GYS1: variants seen among roughly 807,000 people sequenced by gnomAD.
GYS1 encodes the protein glycogen synthase 1.
GYS1 carries 60 observed loss-of-function variants against 89.1 expected under a neutral mutation model. That is an observed-to-expected ratio of 0.67 (90% CI 0.55 to 0.84). The LOEUF (loss-of-function observed/expected upper bound fraction) is 0.84, where lower values mean the gene tolerates loss of function less well. Ranked by LOEUF, GYS1 falls within the 40% of genes least tolerant of loss-of-function variation. The pLI is 0.00. For synonymous variants in GYS1, 366 were observed against 401.7 expected (o/e 0.91, Z 1.06); for missense variants, 888 against 1,003.1 (o/e 0.89, Z 1.55).
Position 48,982,772 on chromosome 19 carries a change from G to A in GYS1, c.889C>T (p.His297Tyr). ...TGGATTCGAGCCTTGCTCTGAGCAT[G>A]GAGGTTCTGGAACTCATGCATGGCA... ...FSAMHEFQNL[H>Y]AQSKARIQEF... Residue 297 changes from histidine (H) to tyrosine (Y), a missense_variant, in exon 6 of 16, where the codon CAT (histidine) becomes TAT (tyrosine). Coordinates refer to ENST00000323798, the MANE Select transcript of GYS1 (RefSeq NM_002103.5). The A allele has an allele frequency of 6.2e-7, 1 of 1,614,010 alleles. No individual in the cohort carries two copies. The highest frequency in any genetic ancestry group is 8.5e-7 in the Non-Finnish European group (1 of 1,179,864).
intron 7 of GYS1, 77 bp downstream of exon 7, chr19:48,982,178 C>A (rs1299505961): frequency 1.4e-6 from 2 of 1,465,110 alleles, no homozygotes; most frequent in Non-Finnish European, 1.9e-6. Flanking sequence ...CAGGTGTGAG[C>A]CACTGTGCCT....
chr19:48,981,382 C>G, intron 8 of GYS1, 148 bp downstream of exon 8: 2 of 672,668 alleles, frequency 3.0e-6, no homozygotes, highest in East Asian at 5.6e-5. Flanking sequence ...CACTACACTC[C>G]AGCCTGGGCG....
intron 8 of GYS1, among the ~76,000 whole-genome samples, chr19:48,978,387 G>C (rs1487091833): frequency 6.6e-6 from 1 of 151,484 alleles, no homozygotes; most frequent in Non-Finnish European, 1.5e-5. Flanking sequence ...CACCGCGCCC[G>C]GCTAATTTTC....
At chr19:48,970,292 T>G in intron 14 of GYS1, 3 of 458,122 alleles carry the variant, frequency 6.5e-6, no homozygotes, top group South Asian at 2.2e-5. Context: ...GCTCGGCTGA[T>G]TTTTTTTTAT....
chr19:48,980,534 G>A (rs568481813), intron 8 of GYS1, among the ~76,000 whole-genome samples: 1 of 151,890 alleles, frequency 6.6e-6, no homozygotes, highest in Non-Finnish European at 1.5e-5. Context: ...TGCTCAGTGA[G>A]TATCTCTGCT....
At chr19:48,971,460 G>A (rs909971326) in intron 12 of GYS1, among the ~76,000 whole-genome samples, 5 of 151,934 alleles carry the variant, frequency 3.3e-5, no homozygotes, top group Admixed American at 6.6e-5. Context: ...TAGTATCCCT[G>A]TGTACAGAGC....
intron 12 of GYS1, among the ~76,000 whole-genome samples, chr19:48,971,413 C>T (rs2038564223): frequency 6.6e-6 from 1 of 151,986 alleles, no homozygotes; most frequent in Non-Finnish European, 1.5e-5. Flanking sequence ...CGGACTTAGT[C>T]TATTTTGATG....
chr19:48,979,891 C>T (rs1053443288), intron 8 of GYS1, among the ~76,000 whole-genome samples: 1 of 151,888 alleles, frequency 6.6e-6, no homozygotes, highest in Non-Finnish European at 1.5e-5. Context: ...AGGTGATCCA[C>T]CCGCCTCGGC....
chr19:48,977,679 G>A lies in GYS1; in HGVS notation c.1308+245C>T, dbSNP rs80021209. ...CCCCAGAATCCCAGAGAAACCACAC[G>A]TCCCAGCAACCCTCGTGGCAGAATA... On this transcript the variant is annotated intron_variant, in intron 10 of 15. Transcript: ENST00000323798. Among the ~76,000 whole-genome samples, 2,110 of 152,214 alleles carry A rather than the reference G, an allele frequency of 0.014. 46 individuals are homozygous for A. Among genetic ancestry groups the A allele is most frequent in the African/African-American group, 0.047 (1,956 of 41,534 alleles).
chr19:48,974,414 A>T, intron 11 of GYS1, 75 bp from the exon 12 acceptor site: 1 of 1,526,396 alleles, frequency 6.6e-7, no homozygotes, highest in South Asian at 1.1e-5. Flanking sequence ...TGGCCCAGAG[A>T]GGGTAAAAAG....
rs773246468 is a variant in GYS1 at position 48,982,299 on chromosome 19, C to T, written c.1018G>A (p.Asp340Asn). ...CGAGCCAATGCCTCCAGGAAGACGT[C>T]AGCACCCTTGTTGGAGAACTCATAG... ...GRYEFSNKGA[D>N]VFLEALARLN... The change falls in exon 7 of 16, where the codon GAC (aspartate) becomes AAC (asparagine). Residue 340 changes from aspartate (D) to asparagine (N), a missense_variant. Coordinates refer to ENST00000323798, the MANE Select transcript of GYS1 (RefSeq NM_002103.5). 3 of 1,613,886 alleles carry T rather than the reference C, an allele frequency of 1.9e-6. No individual in the cohort carries two copies. Among genetic ancestry groups the T allele is most frequent in the Admixed American group, 1.7e-5 (1 of 59,982 alleles).
chr19:48,971,066 G>C (rs368023556), intron 12 of GYS1, 43 bp from the exon 13 acceptor site: 3 of 1,336,058 alleles, frequency 2.2e-6, no homozygotes, highest in South Asian at 2.3e-5. Flanking sequence ...TTCCCTCATC[G>C]CCTACCGTCT....
chr19:48,982,939 T>G, intron 5 of GYS1, 102 bp from the exon 6 acceptor site: 1 of 929,796 alleles, frequency 1.1e-6, no homozygotes, highest in Non-Finnish European at 1.8e-6. Flanking sequence ...TTTGCAATTT[T>G]TTTGTTTCAA....
intron 12 of GYS1, among the ~76,000 whole-genome samples, chr19:48,971,882 G>C (rs2038570559): frequency 6.9e-6 from 1 of 145,436 alleles, no homozygotes; most frequent in East Asian, 2.0e-4. Flanking sequence ...TTTTTCTCGA[G>C]ACAAGGTCTC....
At position 48,980,083 on chromosome 19, in the gene GYS1, C is replaced by T. The variant is rs79670122; in HGVS notation, c.1169+1447G>A. 9.3e-3 allele frequency among the ~76,000 whole-genome samples: 1,412 copies of T among 152,230 alleles called. 25 individuals are homozygous for T. Among genetic ancestry groups the T allele is most frequent in the African/African-American group, 0.031 (1,301 of 41,554 alleles). ...CCTCCTGTAGCTGGCACTACAGGTG[C>T]CCTCCATCTTGCCTCACTTTCTACC... On this transcript the variant is annotated intron_variant, in intron 8 of 15. Transcript: ENST00000323798.
At chr19:48,981,929 G>C (rs1387813788) in intron 7 of GYS1, among the ~76,000 whole-genome samples, 1 of 152,060 alleles carries the variant, frequency 6.6e-6, no homozygotes, top group Admixed American at 6.6e-5. Flanking sequence ...GTCTTTTTCT[G>C]TCGCCCAGGC....
At chr19:48,988,360 G>A (rs922668739) in intron 2 of GYS1, among the ~76,000 whole-genome samples, 2 of 152,076 alleles carry the variant, frequency 1.3e-5, no homozygotes, top group African/African-American at 2.4e-5. Flanking sequence ...TTCAGACAGG[G>A]TCTCGCTCTG....
intron 12 of GYS1, among the ~76,000 whole-genome samples, chr19:48,973,654 G>C (rs58881917): frequency 4.6e-5 from 7 of 152,000 alleles, no homozygotes; most frequent in Non-Finnish European, 4.4e-5. Flanking sequence ...AAGTAGCTGA[G>C]ACTACAGGTG....
In GYS1 at chr19:48,993,289, G is replaced by A. The variant is rs753990310; in HGVS notation, c.-177C>T. 1.7e-5 allele frequency: 12 copies of A among 685,822 alleles called. No individual in the cohort carries two copies. The highest frequency in any genetic ancestry group is 3.0e-5 in the Non-Finnish European group (11 of 371,592). The allele number at this position is 685,822 out of a possible 1,614,324, so 42.5% of individuals were successfully genotyped here. A position where few individuals can be genotyped will look rare whatever the true frequency, so the allele number is the denominator to read the frequency against. On this transcript the variant is annotated 5_prime_UTR_variant, in exon 1 of 16. Transcript: ENST00000323798. ...GCCCCGAAGCGTTGGGACCTAGGCA[G>A]AAGGAGGCCGCAGCGTCACTGAGCC...
Sources: allele counts gnomAD v4.1 joint callset (sites outside exome capture counted in the v4.1 genomes callset), GRCh38; gene constraint gnomAD v4.1.1; transcripts MANE v1.5; gene names NCBI Gene and HGNC (gene_info 2026-07-23, HGNC 2026-07-21).